The following MGAT4C variants were observed in gnomAD, a reference collection of about 807,000 sequenced individuals.
The protein encoded by MGAT4C is alpha-1,3-mannosyl-glycoprotein 4-beta-N-acetylglucosaminyltransferase C.
MGAT4C carries 19 observed loss-of-function variants against 40.1 expected under a neutral mutation model. The observed-to-expected ratio is 0.47, with a 90% CI of 0.33 to 0.70. MGAT4C has a LOEUF of 0.70. Among genes scored for constraint, MGAT4C ranks in the 30% least tolerant of loss-of-function variants. MGAT4C has a pLI of 0.02. For missense variants in MGAT4C, 491 were observed against 563.2 expected (o/e 0.87, Z 1.30); for synonymous variants, 181 against 187.1 (o/e 0.97, Z 0.27).
At chr12:86,113,054 A>T (rs898460531) in intron 1 of MGAT4C, among the ~76,000 whole-genome samples, 1 of 151,822 alleles carries the variant, frequency 6.6e-6, no homozygotes, top group Non-Finnish European at 1.5e-5. Context: ...TTGGCATGAA[A>T]CAGTGAGATC....
In MGAT4C at chr12:86,809,630, TA is replaced by T. The variant is rs763554659; in HGVS notation, c.-262+29035del. 2.0e-5 allele frequency among the ~76,000 whole-genome samples: 3 copies of T among 152,158 alleles called. No individual in the cohort carries two copies. In the South Asian group the frequency reaches 6.2e-4, roughly 32 times the overall value. ...TGATTTATATTTTCCTGCTGCATAATAATGTTGAATAGCTTTTCATGTGCTT... is the reference window on the plus strand; with the variant it reads ...TGATTTATATTTTCCTGCTGCATAATATGTTGAATAGCTTTTCATGTGCTT... On this transcript the variant is annotated intron_variant, in intron 1 of 7. Transcript: ENST00000548651.
In MGAT4C at chr12:86,034,583, AT is replaced by A. The variant is rs561081545; in HGVS notation, c.-7+15090del. Among the ~76,000 whole-genome samples, 21 of 146,422 alleles carry A rather than the reference AT, an allele frequency of 1.4e-4. 1 individual carries two copies. The highest frequency in any genetic ancestry group is 3.9e-4 in the East Asian group (2 of 5,110). ...GGTTTTTTGTTGTTGTTTTTTTTAA[AT>A]TTTTTTTTATTATACTTTAAGTTCT... On this transcript the variant is annotated intron_variant, in intron 2 of 4. Transcript: ENST00000611864.
At chr12:86,374,894 T>G (rs1353617863) in intron 3 of MGAT4C, among the ~76,000 whole-genome samples, 4 of 152,192 alleles carry the variant, frequency 2.6e-5, no homozygotes, top group Admixed American at 2.6e-4. Context: ...CATTTCTATT[T>G]CAGTCTTTCA....
At chr12:86,807,627 T>C (rs1323528144) in intron 1 of MGAT4C, among the ~76,000 whole-genome samples, 1 of 152,146 alleles carries the variant, frequency 6.6e-6, no homozygotes, top group African/African-American at 2.4e-5. Context: ...TTATATTCCT[T>C]TGCATATATA....
intron 2 of MGAT4C, among the ~76,000 whole-genome samples, chr12:86,717,743 A>G (rs1193928585): frequency 1.3e-5 from 2 of 152,180 alleles, no homozygotes; most frequent in African/African-American, 4.8e-5. Flanking sequence ...AGCCTCAACA[A>G]ATCCATAACT....
chr12:86,815,334 A>G (rs1484237098), intron 1 of MGAT4C, among the ~76,000 whole-genome samples: 1 of 152,040 alleles, frequency 6.6e-6, no homozygotes, highest in Non-Finnish European at 1.5e-5. Context: ...ATAATCAAAA[A>G]ACAAAAAACA....
chr12:86,211,937 T>G (rs1950486081), intron 1 of MGAT4C, among the ~76,000 whole-genome samples: 1 of 152,182 alleles, frequency 6.6e-6, no homozygotes, highest in Non-Finnish European at 1.5e-5. Context: ...AGTCCTTTAA[T>G]TTTGGAGCTG....
In MGAT4C at chr12:86,466,218, C is replaced by A. The variant is rs796497948; in HGVS notation, c.-228-30953G>T. Reference sequence around the variant, plus strand: ...AGATCAAGACTCCGTCAAAAAAAAACAAAAACAAAAACCCAAATGTGGATT... The same window carrying A: ...AGATCAAGACTCCGTCAAAAAAAAAAAAAAACAAAAACCCAAATGTGGATT... On this transcript the variant is annotated intron_variant, in intron 2 of 7. Coordinates refer to the MGAT4C transcript ENST00000548651. Among the ~76,000 whole-genome samples, 765 of 134,204 alleles carry A rather than the reference C, an allele frequency of 5.7e-3. 7 individuals are homozygous for A. The highest frequency in any genetic ancestry group is 0.02 in the African/African-American group (729 of 36,336). The allele number at this position is 134,204 out of a possible 152,430, so 88.0% of individuals were successfully genotyped here. A position where few individuals can be genotyped will look rare whatever the true frequency, so the allele number is the denominator to read the frequency against.
intron 1 of MGAT4C, among the ~76,000 whole-genome samples, chr12:86,147,349 C>T (rs1883674791): frequency 6.6e-6 from 1 of 152,078 alleles, no homozygotes; most frequent in Non-Finnish European, 1.5e-5. Context: ...TCACGTCATT[C>T]TCCTGCTTCA....
intron 1 of MGAT4C, among the ~76,000 whole-genome samples, chr12:86,248,887 T>G (rs1952152815): frequency 6.6e-6 from 1 of 152,190 alleles, no homozygotes; most frequent in South Asian, 2.1e-4. Flanking sequence ...GCTAGTGTTA[T>G]GCTCTGTTCC....
At chr12:86,689,954 G>A (rs776858087) in intron 2 of MGAT4C, among the ~76,000 whole-genome samples, 32 of 152,164 alleles carry the variant, frequency 2.1e-4, no homozygotes, top group Non-Finnish European at 3.8e-4. Context: ...AGGGGGATGG[G>A]AGTTTTATCT....
intron 1 of MGAT4C, among the ~76,000 whole-genome samples, chr12:86,064,381 A>G (rs150915241): frequency 6.6e-4 from 100 of 152,312 alleles, no homozygotes; most frequent in African/African-American, 2.4e-3. Context: ...CTACGTCTCA[A>G]AAAAAAGAAA....
intron 1 of MGAT4C, among the ~76,000 whole-genome samples, chr12:86,728,320 C>T (rs1950856487): frequency 6.6e-6 from 1 of 152,156 alleles, no homozygotes; most frequent in Non-Finnish European, 1.5e-5. Context: ...ACATGCCTGT[C>T]TTCTTCCCCT....
intron 2 of MGAT4C, among the ~76,000 whole-genome samples, chr12:86,693,591 GA>G (rs1263376280): frequency 6.6e-6 from 1 of 152,042 alleles, no homozygotes; most frequent in Non-Finnish European, 1.5e-5. Context: ...GTATATGATA[GA>G]GAATAAACAA....
chr12:86,218,930 C>G (rs1253539864), intron 1 of MGAT4C, among the ~76,000 whole-genome samples: 1 of 152,080 alleles, frequency 6.6e-6, no homozygotes, highest in Non-Finnish European at 1.5e-5. Context: ...CTTGTAATCT[C>G]AGCATTTTGG....
chr12:85,980,485 T>A (rs2136684655), intron 4 of MGAT4C, 55 bp from the exon 5 acceptor site: 1 of 1,446,162 alleles, frequency 6.9e-7, no homozygotes, highest in Non-Finnish European at 9.3e-7. Flanking sequence ...ATGGAAAAAG[T>A]AAAAGAGAGA....
chr12:86,373,960 A>G (rs960483580), intron 3 of MGAT4C, among the ~76,000 whole-genome samples: 6 of 152,088 alleles, frequency 3.9e-5, no homozygotes, highest in Non-Finnish European at 8.8e-5. Flanking sequence ...ACATTTACCA[A>G]ATATACTTTG....
intron 1 of MGAT4C, among the ~76,000 whole-genome samples, chr12:86,155,463 G>A (rs1295837223): frequency 6.6e-6 from 1 of 152,120 alleles, no homozygotes; most frequent in Non-Finnish European, 1.5e-5. Context: ...ATGTGGTTTA[G>A]GTGCTCTAAA....
intron 2 of MGAT4C, among the ~76,000 whole-genome samples, chr12:86,480,826 C>T (rs1248146499): frequency 1.3e-5 from 2 of 151,820 alleles, no homozygotes; most frequent in Non-Finnish European, 2.9e-5. Context: ...CCCTTCTCTA[C>T]AATAAAACAA....
Sources: gnomAD v4.1 joint callset for allele counts (sites outside exome capture counted in the v4.1 genomes callset) on GRCh38, gnomAD v4.1.1 for gene constraint, MANE v1.5 for transcripts, NCBI Gene and HGNC (gene_info 2026-07-23, HGNC 2026-07-21) for gene names.